Variants in GALNT10 observed in about 807,000 individuals in gnomAD.
GALNT10 encodes the protein polypeptide N-acetylgalactosaminyltransferase 10, also known as GalNAc transferase 10.
GALNT10 carries 41 observed loss-of-function variants against 75.0 expected under a neutral mutation model. The ratio of observed to expected loss-of-function variants is 0.55; its 90% CI spans 0.43 to 0.71. The LOEUF is 0.71. Ranked by LOEUF, GALNT10 falls within the 30% of genes least tolerant of loss-of-function variation. The pLI is 0.00. For missense variants in GALNT10, 727 were observed against 818.5 expected, an observed-to-expected ratio of 0.89 and a Z score of 1.36; for synonymous variants, 302 against 313.0, an observed-to-expected ratio of 0.96 and a Z score of 0.37.
chr5:154,321,761 G>C (rs570546219), intron 3 of GALNT10, among the ~76,000 whole-genome samples: 21 of 151,548 alleles, frequency 1.4e-4, no homozygotes, highest in Non-Finnish European at 2.4e-4. Context: ...CTGGTGTGAG[G>C]CTGTGGTGAG....
chr5:154,413,028 TG>T, intron 10 of GALNT10, 23 bp downstream of exon 10: 1 of 1,460,728 alleles, frequency 6.8e-7, no homozygotes, highest in South Asian at 1.1e-5. Flanking sequence ...CCTCAGGGAC[TG>T]GCAGCCAGGT....
At chr5:154,399,478 C>T (rs1284393803) in intron 7 of GALNT10, among the ~76,000 whole-genome samples, 2 of 152,218 alleles carry the variant, frequency 1.3e-5, no homozygotes, top group African/African-American at 4.8e-5. Flanking sequence ...ACAAACCCAG[C>T]CAGGATCCAG....
At chr5:154,260,371 G>A (rs1460113304) in intron 1 of GALNT10, among the ~76,000 whole-genome samples, 1 of 152,186 alleles carries the variant, frequency 6.6e-6, no homozygotes, top group African/African-American at 2.4e-5. Context: ...GCTTCTTGCT[G>A]AGGAGGGAGG....
At chr5:154,293,594 G>GATATAT (rs754824803) in intron 1 of GALNT10, among the ~76,000 whole-genome samples, 49 of 140,668 alleles carry the variant, frequency 3.5e-4, no homozygotes, top group African/African-American at 1.1e-3. Flanking sequence ...TCTTGGGGCT[G>GATATAT]ATATATATAT....
intron 1 of GALNT10, among the ~76,000 whole-genome samples, chr5:154,227,333 A>C (rs935957138): frequency 6.6e-6 from 1 of 152,186 alleles, no homozygotes; most frequent in Non-Finnish European, 1.5e-5. Context: ...CAGTCTTTTA[A>C]ATTTTAGCCT....
intron 6 of GALNT10, among the ~76,000 whole-genome samples, chr5:154,381,196 C>T (rs895075876): frequency 6.6e-6 from 1 of 152,176 alleles, no homozygotes; most frequent in African/African-American, 2.4e-5. Flanking sequence ...TGTCCCACAG[C>T]AGAAGTTTGC....
intron 3 of GALNT10, among the ~76,000 whole-genome samples, chr5:154,310,192 T>G (rs990251047): frequency 6.6e-6 from 1 of 151,924 alleles, no homozygotes; most frequent in East Asian, 1.9e-4. Context: ...TTATTAGCAG[T>G]TTTTACCCTT....
Position 154,409,913 on chromosome 5 carries a change from T to C in GALNT10, c.1386+151T>C. On this transcript the variant is annotated intron_variant, in intron 9 of 11. Transcript: ENST00000297107. The surrounding 1 kb of genome is among the most constrained non-coding windows in gnomAD (Gnocchi z 4.5). ...TTCTTTCCTGGTCTCTCTCTAGCCT[T>C]GTCATGGTGTATTTTTACTTGTTAG... The C allele has an allele frequency of 3.2e-6, 2 of 619,828 alleles. No individual in the cohort carries two copies. The allele number at this position is 619,828 out of a possible 1,614,324, so 38.4% of individuals were successfully genotyped here.
At chr5:154,390,531 T>A (rs1369948398) in intron 7 of GALNT10, among the ~76,000 whole-genome samples, 1 of 152,224 alleles carries the variant, frequency 6.6e-6, no homozygotes, top group East Asian at 1.9e-4. Context: ...CCTTGGTCTA[T>A]AATCCTCAAG....
intron 1 of GALNT10, among the ~76,000 whole-genome samples, chr5:154,238,812 G>A (rs1667288482): frequency 1.3e-5 from 2 of 152,152 alleles, no homozygotes; most frequent in Admixed American, 1.3e-4. Flanking sequence ...TGAGGATGTT[G>A]GCTTTTACCT....
chr5:154,417,284 G>T lies in GALNT10; in HGVS notation c.*312G>T. On this transcript the variant is annotated 3_prime_UTR_variant, in exon 12 of 12. Transcript: ENST00000297107. ...CACTATGTCCCCTTGAACATTATGT[G>T]GGAGAACACCAAGGTAGCCTAGGCC... is the stretch of plus-strand genomic sequence containing the variant. 3.7e-6 allele frequency: 1 copy of T among 267,022 alleles called. No individual in the cohort carries two copies. The highest frequency in any genetic ancestry group is 7.2e-6 in the Non-Finnish European group (1 of 139,666). 16.5% of individuals were successfully genotyped at this position (267,022 alleles called of 1,614,324 possible). A position where few individuals can be genotyped will look rare whatever the true frequency, so the allele number is the denominator to read the frequency against.
chr5:154,282,332 T>A (rs1371613001), intron 1 of GALNT10, among the ~76,000 whole-genome samples: 1 of 152,236 alleles, frequency 6.6e-6, no homozygotes, highest in Admixed American at 6.5e-5. Context: ...ACACAAACTT[T>A]GGGGATCATG....
At chr5:154,211,375 C>G (rs1004719295) in intron 1 of GALNT10, among the ~76,000 whole-genome samples, 1 of 152,082 alleles carries the variant, frequency 6.6e-6, no homozygotes, top group African/African-American at 2.4e-5. Context: ...GATTTTTGAC[C>G]AAAAGTCTGA....
At chr5:154,296,224 T>C (rs1271609003) in intron 2 of GALNT10, among the ~76,000 whole-genome samples, 1 of 152,180 alleles carries the variant, frequency 6.6e-6, no homozygotes, top group East Asian at 1.9e-4. Flanking sequence ...GTAGCTGGGA[T>C]TACAGACCTG....
At chr5:154,301,013 A>G (rs1754348771) in intron 3 of GALNT10, among the ~76,000 whole-genome samples, 1 of 152,156 alleles carries the variant, frequency 6.6e-6, no homozygotes, top group Non-Finnish European at 1.5e-5. Flanking sequence ...AGGACTTAGG[A>G]AGTGGAGCCA....
At chr5:154,368,264 C>T (rs1048680319) in intron 4 of GALNT10, among the ~76,000 whole-genome samples, 1 of 152,234 alleles carries the variant, frequency 6.6e-6, no homozygotes, top group Admixed American at 6.5e-5. Flanking sequence ...GATCCTGGCA[C>T]AGCAGGAGCT....
chr5:154,253,091 G>A (rs4958720), intron 1 of GALNT10, among the ~76,000 whole-genome samples: 95,898 of 146,418 alleles, frequency 0.65, 31,630 homozygotes, highest in East Asian at 0.86. Context: ...TTGTTGCCTC[G>A]TTTCTGAGTC....
At chr5:154,265,650 G>A (rs368800615) in intron 1 of GALNT10, among the ~76,000 whole-genome samples, 19 of 152,210 alleles carry the variant, frequency 1.2e-4, no homozygotes, top group African/African-American at 4.3e-4. Flanking sequence ...GGAGAAGAGC[G>A]AACAGCCTCC....
intron 3 of GALNT10, among the ~76,000 whole-genome samples, chr5:154,300,652 C>T (rs1561654695): frequency 6.6e-6 from 1 of 152,168 alleles, no homozygotes; most frequent in Non-Finnish European, 1.5e-5. Context: ...TGTGCCAAGC[C>T]CTGTGCTTGA....
Sources: gnomAD v4.1 joint callset for allele counts (sites outside exome capture counted in the v4.1 genomes callset) on GRCh38, gnomAD v4.1.1 for gene constraint, Gnocchi (gnomAD v3.1) non-coding constraint, MANE v1.5 for transcripts, NCBI Gene and HGNC (gene_info 2026-07-23, HGNC 2026-07-21) for gene names.